ZAP70: variants seen among roughly 807,000 people sequenced by gnomAD.
ZAP70 encodes tyrosine-protein kinase ZAP-70.
ZAP70 carries 27 observed loss-of-function variants against 65.8 expected under a neutral mutation model. That is an observed-to-expected ratio of 0.41 (90% CI 0.30 to 0.57). The LOEUF is 0.57. Ranked by LOEUF, ZAP70 falls within the 20% of genes least tolerant of loss-of-function variation. The pLI, the probability that ZAP70 is intolerant of heterozygous loss-of-function variation, is 0.28. For synonymous variants in ZAP70, 363 were observed against 360.8 expected, an observed-to-expected ratio of 1.01 and a Z score of -0.07; for missense variants, 696 against 870.5, an observed-to-expected ratio of 0.80 and a Z score of 2.52.
At chr2:97,750,773 T>C in the ZAP70 span, among the ~76,000 whole-genome samples, 1 of 152,256 alleles carries the variant, frequency 6.6e-6, no homozygotes, top group Non-Finnish European at 1.5e-5. Flanking sequence ...GTATTTGTTA[T>C]GGCATGACCT....
rs376042049 is a variant in ZAP70, at chr2:97,735,465, C to T, written c.1289+9C>T. The stretch of plus-strand genomic sequence containing the variant: ...TTCCTGGTCGGCAAGAGGTGAGCAC[C>T]GGGTGGGCCCGGCCATCGGGTGGGT... On this transcript the variant is annotated intron_variant, in intron 10 of 13. Transcript: ENST00000264972. 145 of 1,530,420 alleles carry T rather than the reference C, an allele frequency of 9.5e-5. No individual in the cohort carries two copies. Among genetic ancestry groups the T allele is most frequent in the Non-Finnish European group, 1.2e-4 (137 of 1,126,894 alleles). 94.8% of individuals were successfully genotyped at this position (1,530,420 alleles called of 1,614,324 possible). A position where few individuals can be genotyped will look rare whatever the true frequency, so the allele number is the denominator to read the frequency against.
At chr2:97,748,206 G>A in the ZAP70 span, among the ~76,000 whole-genome samples, 2 of 152,124 alleles carry the variant, frequency 1.3e-5, no homozygotes, top group African/African-American at 4.8e-5. Context: ...GCTACATTAG[G>A]AATATTTATT....
At chr2:97,755,825 G>GTGTT in the ZAP70 span, among the ~76,000 whole-genome samples, 24 of 152,224 alleles carry the variant, frequency 1.6e-4, no homozygotes, top group Admixed American at 3.9e-4. Flanking sequence ...AGGTTGGCCA[G>GTGTT]TGTTAGAACA....
At chr2:97,724,787 G>C (rs1485323790) in intron 3 of ZAP70, 2 of 1,506,576 alleles carry the variant, frequency 1.3e-6, no homozygotes, top group African/African-American at 2.8e-5. Context: ...TAGGGTGGCT[G>C]TTGGGGAAGA....
At chr2:97,735,214 C>T (rs1677816687) in intron 9 of ZAP70, 36 bp from the exon 10 acceptor site, 1 of 1,612,090 alleles carries the variant, frequency 6.2e-7, no homozygotes, top group South Asian at 1.1e-5. Context: ...GGCCGGTGCC[C>T]CTCGCCCACG....
In ZAP70 at chr2:97,737,255, A is replaced by G. The variant is rs2104702413; in HGVS notation, c.1290-218A>G. Among the ~76,000 whole-genome samples, 1 of 152,064 alleles carries G rather than the reference A, an allele frequency of 6.6e-6. No individual in the cohort carries two copies. Among genetic ancestry groups the G allele is most frequent in the South Asian group, 2.1e-4 (1 of 4,808 alleles). On this transcript the variant is annotated intron_variant, in intron 10 of 13. Transcript: ENST00000264972. The surrounding 1 kb of genome is among the most constrained non-coding windows in gnomAD (Gnocchi z 5.0). ...ACTTGGGAGTCGTAGCGTGTGGGTG[A>G]TCCCTAAAGCCTTGAGACTGGATGA... is the stretch of plus-strand genomic sequence containing the variant.
the ZAP70 span, among the ~76,000 whole-genome samples, chr2:97,747,792 G>T: frequency 7.1e-6 from 1 of 141,286 alleles, no homozygotes; most frequent in Non-Finnish European, 1.5e-5. Context: ...GTGTCTATTG[G>T]ACCTGGCCTG....
At chr2:97,734,226 C>T (rs1224714793) in intron 8 of ZAP70, 7 of 657,016 alleles carry the variant, frequency 1.1e-5, no homozygotes, top group African/African-American at 1.8e-5. Context: ...CGTACACGTA[C>T]GAATGCACAC....
At chr2:97,755,196 C>T in the ZAP70 span, among the ~76,000 whole-genome samples, 1 of 152,142 alleles carries the variant, frequency 6.6e-6, no homozygotes, top group Admixed American at 6.5e-5. Context: ...TTGTGGCGTA[C>T]CGAGACTCGC....
At position 97,739,271 on chromosome 2, in the gene ZAP70, G is replaced by GCCCCAAAAGTCTA; in HGVS notation, c.1737-101_1737-89dup. 7 of 1,544,374 alleles carry GCCCCAAAAGTCTA rather than the reference G, an allele frequency of 4.5e-6. No homozygotes were observed. In the South Asian group the frequency reaches 8.5e-5, roughly 19 times the overall value. On this transcript the variant is annotated intron_variant, in intron 13 of 13. Transcript: ENST00000264972. ...CCCAACAGCCCTGCTGACTTTCTGA[G>GCCCCAAAAGTCTA]CCCCAAAAGTCTACCTCAGCCAAGC...
chr2:97,723,283 G>T (rs892192078), intron 2 of ZAP70, among the ~76,000 whole-genome samples: 1 of 152,278 alleles, frequency 6.6e-6, no homozygotes, highest in Non-Finnish European at 1.5e-5. Context: ...AGGGCAGGGC[G>T]AGGGGTGCCT....
In ZAP70 at chr2:97,724,355, G is replaced by A. The variant is rs745778680; in HGVS notation, c.319G>A (p.Gly107Ser). 1 of 1,552,448 alleles carries A rather than the reference G, an allele frequency of 6.4e-7. No homozygotes were observed. Among genetic ancestry groups the A allele is most frequent in the Non-Finnish European group, 8.7e-7 (1 of 1,149,006 alleles). The change falls in exon 3 of 14, where the codon GGC (glycine) becomes AGC (serine). Residue 107 changes from glycine (G) to serine (S), a missense_variant. Around this residue, in one of 3 missense-constraint regions of ZAP70, gnomAD observed 551 missense variants for 630.0 expected, o/e 0.87. Transcript: ENST00000264972. ...GCGCAAGCCGTGCAACCGGCCGTCG[G>A]GCCTCGAGCCGCAGCCGGGGGTCTT... is the stretch of plus-strand genomic sequence containing the variant. ...NLRKPCNRPS[G>S]LEPQPGVFDC...
At chr2:97,753,199 G>C in the ZAP70 span, among the ~76,000 whole-genome samples, 442 of 152,178 alleles carry the variant, frequency 2.9e-3, 4 homozygotes, top group African/African-American at 9.9e-3. Context: ...ACACTGTTTT[G>C]TAAAATGTTA....
chr2:97,734,964 C>T, intron 9 of ZAP70: 2 of 657,018 alleles, frequency 3.0e-6, no homozygotes, highest in Admixed American at 2.9e-5. Context: ...GCAGTGGGGT[C>T]CCCGATCCCT....
At chr2:97,738,216 C>A in intron 13 of ZAP70, 109 bp downstream of exon 13, 2 of 1,140,498 alleles carry the variant, frequency 1.8e-6, no homozygotes, top group Non-Finnish European at 2.6e-6. Context: ...ACCCAAAGCC[C>A]TTCACCCAGT....
the ZAP70 span, among the ~76,000 whole-genome samples, chr2:97,749,004 C>CTTTTT: frequency 1.2e-4 from 14 of 114,988 alleles, no homozygotes; most frequent in Admixed American, 1.8e-4. Context: ...TGACACTTCC[C>CTTTTT]TTTTTTTTTT....
At chr2:97,721,436 CAG>C (rs1288126021) in intron 2 of ZAP70, among the ~76,000 whole-genome samples, 1 of 152,044 alleles carries the variant, frequency 6.6e-6, no homozygotes, top group African/African-American at 2.4e-5. Context: ...TTTTTTGAGA[CAG>C]AGTCTCACTC....
At chr2:97,734,396 C>G in intron 8 of ZAP70, 124 bp from the exon 9 acceptor site, 7 of 1,450,814 alleles carry the variant, frequency 4.8e-6, no homozygotes, top group Non-Finnish European at 6.3e-6. Flanking sequence ...CATGGGCACC[C>G]ACCTGCTTGT....
intron 3 of ZAP70, 139 bp from the exon 4 acceptor site, chr2:97,724,953 A>G: frequency 1.3e-6 from 2 of 1,535,016 alleles, no homozygotes; most frequent in East Asian, 2.4e-5. Flanking sequence ...GCGCGGAGGT[A>G]GTCCTCGAAA....
Sources: gnomAD v4.1 joint callset for allele counts (sites outside exome capture counted in the v4.1 genomes callset) on GRCh38, gnomAD v4.1.1 for gene constraint, gnomAD v4.1.1 regional missense constraint, Gnocchi (gnomAD v3.1) non-coding constraint, MANE v1.5 for transcripts, NCBI Gene and HGNC (gene_info 2026-07-23, HGNC 2026-07-21) for gene names.